Variants in RAP2A observed in about 807,000 individuals in gnomAD.
RAP2A encodes ras-related protein Rap-2a.
In RAP2A, 5 loss-of-function variants were observed where a neutral mutation model predicts 15.1. That is an observed-to-expected ratio of 0.33 (90% CI 0.17 to 0.70). The LOEUF (loss-of-function observed/expected upper bound fraction) is 0.70. Among genes scored for constraint, RAP2A ranks in the 30% least tolerant of loss-of-function variants. RAP2A has a pLI of 0.68. For missense variants in RAP2A, 111 were observed against 240.3 expected (o/e 0.46, Z 3.56); for synonymous variants, 110 against 99.7 (o/e 1.10, Z -0.62).
At chr13:97,460,187 C>T (rs994181049) in intron 1 of RAP2A, among the ~76,000 whole-genome samples, 5 of 152,112 alleles carry the variant, frequency 3.3e-5, no homozygotes, top group African/African-American at 1.2e-4. Context: ...ATGTTTTGGC[C>T]CCATGAGATC....
chr13:97,451,977 T>C (rs1186779376), intron 1 of RAP2A, among the ~76,000 whole-genome samples: 5 of 151,302 alleles, frequency 3.3e-5, no homozygotes, highest in Non-Finnish European at 7.4e-5. Flanking sequence ...TTTTAAAAAT[T>C]GGATTATCTT....
At chr13:97,456,524 T>C (rs1362905870) in intron 1 of RAP2A, among the ~76,000 whole-genome samples, 1 of 152,084 alleles carries the variant, frequency 6.6e-6, no homozygotes, top group East Asian at 1.9e-4. Flanking sequence ...TGGCTGTGAG[T>C]TGCATCTCCA....
Position 97,467,137 on chromosome 13 carries a change from T to A in RAP2A, c.*2695T>A, listed in dbSNP as rs2066775372. On this transcript the variant is annotated 3_prime_UTR_variant, in exon 2 of 2. Coordinates refer to ENST00000245304, the MANE Select transcript of RAP2A (RefSeq NM_021033.7). Reference sequence around the variant, plus strand: ...CCCACTTTTTCTTTAGCTCTTGTGATAAGATTTTCTTTTTTTTACTTTTAT... The same window carrying A: ...CCCACTTTTTCTTTAGCTCTTGTGAAAAGATTTTCTTTTTTTTACTTTTAT... The A allele has an allele frequency of 6.6e-6, 1 of 152,662 alleles. No individual in the cohort carries two copies. The highest frequency in any genetic ancestry group is 6.5e-5 in the Admixed American group (1 of 15,286). The allele number at this position is 152,662 out of a possible 1,614,324, so 9.5% of individuals were successfully genotyped here.
intron 1 of RAP2A, among the ~76,000 whole-genome samples, chr13:97,452,778 A>G (rs999458552): frequency 6.6e-6 from 1 of 151,412 alleles, no homozygotes; most frequent in African/African-American, 2.4e-5. Context: ...AGTAAATGTT[A>G]TATATCTTTC....
At chr13:97,441,346 G>C (rs1342421535) in intron 1 of RAP2A, among the ~76,000 whole-genome samples, 1 of 152,084 alleles carries the variant, frequency 6.6e-6, no homozygotes, top group African/African-American at 2.4e-5. Context: ...CATTAAGGAA[G>C]AGGTAGAGGA....
At position 97,466,812 on chromosome 13, in the gene RAP2A, T is replaced by A. The variant is rs1156457063; in HGVS notation, c.*2370T>A. The A allele has an allele frequency of 6.6e-6, 1 of 152,224 alleles. No homozygotes were observed. Among genetic ancestry groups the A allele is most frequent in the Non-Finnish European group, 1.5e-5 (1 of 68,042 alleles). 9.4% of individuals were successfully genotyped at this position (152,224 alleles called of 1,614,324 possible). A position where few individuals can be genotyped will look rare whatever the true frequency, so the allele number is the denominator to read the frequency against. On this transcript the variant is annotated 3_prime_UTR_variant, in exon 2 of 2. Coordinates refer to ENST00000245304, the MANE Select transcript of RAP2A (RefSeq NM_021033.7). ...CTGATCTGGCTGCCTGATGAGTGTTTCCACGCAGCCCTGCATATTTAGTGA... is the reference window on the plus strand; with the variant it reads ...CTGATCTGGCTGCCTGATGAGTGTTACCACGCAGCCCTGCATATTTAGTGA...
At chr13:97,439,251 T>C (rs1363542497) in intron 1 of RAP2A, among the ~76,000 whole-genome samples, 1 of 152,168 alleles carries the variant, frequency 6.6e-6, no homozygotes, top group Non-Finnish European at 1.5e-5. Flanking sequence ...ATAATCACAA[T>C]TGTCATAGGT....
At chr13:97,448,750 A>G (rs1177703758) in intron 1 of RAP2A, among the ~76,000 whole-genome samples, 1 of 152,196 alleles carries the variant, frequency 6.6e-6, no homozygotes, top group Non-Finnish European at 1.5e-5. Context: ...CGCTCACTTG[A>G]TGAGTAACAA....
chr13:97,454,937 G>A (rs969989705), intron 1 of RAP2A, among the ~76,000 whole-genome samples: 2 of 151,134 alleles, frequency 1.3e-5, no homozygotes, highest in African/African-American at 4.9e-5. Flanking sequence ...TGTAAAGATT[G>A]TTCTACTGTC....
chr13:97,434,394 C>T lies in RAP2A; in HGVS notation c.-77C>T, dbSNP rs1313934807. The T allele has an allele frequency of 7.6e-6, 8 of 1,048,338 alleles. No homozygotes were observed. Among genetic ancestry groups the T allele is most frequent in the Non-Finnish European group, 6.9e-6 (6 of 869,218 alleles). 64.9% of individuals were successfully genotyped at this position (1,048,338 alleles called of 1,614,324 possible). On this transcript the variant is annotated 5_prime_UTR_variant, in exon 1 of 2. Transcript: ENST00000245304. ...GAGGCGGCGGGGCGGGCCGCCGGGG[C>T]CGGGGCTGGGGGCGCAGCGCGGCCG...
chr13:97,459,534 G>A (rs985844520), intron 1 of RAP2A, among the ~76,000 whole-genome samples: 3 of 152,214 alleles, frequency 2.0e-5, no homozygotes, highest in Non-Finnish European at 2.9e-5. Context: ...AGGCTGTAGA[G>A]ATGGATCCCA....
At chr13:97,457,450 G>C (rs191553874) in intron 1 of RAP2A, among the ~76,000 whole-genome samples, 2 of 151,802 alleles carry the variant, frequency 1.3e-5, no homozygotes, top group African/African-American at 4.8e-5. Context: ...CCATTAATAC[G>C]ATACATATTA....
At chr13:97,438,044 C>G (rs1482316772) in intron 1 of RAP2A, among the ~76,000 whole-genome samples, 1 of 152,172 alleles carries the variant, frequency 6.6e-6, no homozygotes, top group Non-Finnish European at 1.5e-5. Flanking sequence ...AATTCATATG[C>G]TTTCTTTTCT....
chr13:97,459,243 T>A (rs2066736489), intron 1 of RAP2A, among the ~76,000 whole-genome samples: 1 of 151,342 alleles, frequency 6.6e-6, no homozygotes, highest in African/African-American at 2.4e-5. Flanking sequence ...TAGCTTTATG[T>A]CCAAATGATG....
chr13:97,464,422 T>C lies in RAP2A; in HGVS notation c.532T>C (p.Ser178Pro), dbSNP rs376967104. ...AQPDKDDPCC[S>P]ACNIQ is the part of the protein sequence containing the mutation. ...GCCTGACAAAGATGACCCATGCTGT[T>C]CTGCATGTAACATACAATAGCATCC... Residue 178 changes from serine (S) to proline (P), a missense_variant, in exon 2 of 2, where the codon TCT becomes CCT. Around this residue, in one of 3 missense-constraint regions of RAP2A, gnomAD observed 74 missense variants for 132.3 expected, o/e 0.56. Transcript: ENST00000245304. The C allele has an allele frequency of 1.9e-6, 3 of 1,614,020 alleles. No homozygotes were observed. The African/African-American group carries it at 4.0e-5, about 22-fold the overall frequency.
chr13:97,434,398 G>T lies in RAP2A; in HGVS notation c.-73G>T, dbSNP rs1053089156. 4.0e-5 allele frequency: 44 copies of T among 1,103,830 alleles called. No homozygotes were observed. The Middle Eastern group carries it at 8.3e-4, about 21-fold the overall frequency. The allele number at this position is 1,103,830 out of a possible 1,614,324, so 68.4% of individuals were successfully genotyped here. On this transcript the variant is annotated 5_prime_UTR_variant, in exon 1 of 2. Transcript: ENST00000245304. ...CGGCGGGGCGGGCCGCCGGGGCCGG[G>T]GCTGGGGGCGCAGCGCGGCCGGCGT...
intron 1 of RAP2A, among the ~76,000 whole-genome samples, chr13:97,461,941 A>C (rs9300414): frequency 0.041 from 6,047 of 148,026 alleles, 195 homozygotes; most frequent in African/African-American, 0.085. Flanking sequence ...CCAGCCTGGG[A>C]GACAGAGCGA....
At chr13:97,444,897 C>T (rs990947007) in intron 1 of RAP2A, among the ~76,000 whole-genome samples, 4 of 152,202 alleles carry the variant, frequency 2.6e-5, no homozygotes, top group South Asian at 2.1e-4. Context: ...AAAATTCCTT[C>T]GACTGTGTAA....
intron 1 of RAP2A, 120 bp downstream of exon 1, chr13:97,434,904 CTTT>C: frequency 7.3e-7 from 1 of 1,370,168 alleles, no homozygotes; most frequent in Non-Finnish European, 9.8e-7. Context: ...AAGCTGGAGG[CTTT>C]ACTATTGTCA....
Sources: gnomAD v4.1 joint callset for allele counts (sites outside exome capture counted in the v4.1 genomes callset) on GRCh38, gnomAD v4.1.1 for gene constraint, gnomAD v4.1.1 regional missense constraint, MANE v1.5 for transcripts, NCBI Gene and HGNC (gene_info 2026-07-23, HGNC 2026-07-21) for gene names.